Variants in KCNIP4 observed in about 807,000 individuals in gnomAD.
KCNIP4 encodes Kv channel-interacting protein 4.
In KCNIP4, 12 loss-of-function variants were observed where a neutral mutation model predicts 34.0. The ratio of observed to expected loss-of-function variants is 0.35; its 90% CI spans 0.23 to 0.57. The LOEUF (loss-of-function observed/expected upper bound fraction) is 0.57, where lower values mean the gene tolerates loss of function less well. Among genes scored for constraint, KCNIP4 ranks in the 20% least tolerant of loss-of-function variants. The pLI is 0.83. For synonymous variants in KCNIP4, 124 were observed against 102.2 expected, an observed-to-expected ratio of 1.21 and a Z score of -1.29; for missense variants, 238 against 311.7, an observed-to-expected ratio of 0.76 and a Z score of 1.78.
chr4:20,911,342 G>A (rs1220613654), intron 1 of KCNIP4, among the ~76,000 whole-genome samples: 1 of 152,088 alleles, frequency 6.6e-6, no homozygotes, highest in Non-Finnish European at 1.5e-5. Flanking sequence ...TTCCTCCATA[G>A]TGTTCAGTTT....
chr4:21,270,736 C>T (rs926128826), intron 1 of KCNIP4, among the ~76,000 whole-genome samples: 3 of 151,970 alleles, frequency 2.0e-5, no homozygotes, highest in Admixed American at 6.6e-5. Flanking sequence ...CCTGTAATCC[C>T]AGCACATTGG....
intron 1 of KCNIP4, among the ~76,000 whole-genome samples, chr4:21,098,194 A>C (rs73802482): frequency 0.017 from 2,529 of 152,308 alleles, 79 homozygotes; most frequent in African/African-American, 0.057. Context: ...TTGATTAAGG[A>C]AAGAAGTTGT....
At chr4:20,992,837 G>T (rs1293709687) in intron 1 of KCNIP4, among the ~76,000 whole-genome samples, 1 of 151,928 alleles carries the variant, frequency 6.6e-6, no homozygotes, top group Non-Finnish European at 1.5e-5. Flanking sequence ...AGACCAGCCT[G>T]GCCAACATAG....
At chr4:21,100,786 A>G (rs1049425503) in intron 1 of KCNIP4, among the ~76,000 whole-genome samples, 1 of 152,176 alleles carries the variant, frequency 6.6e-6, no homozygotes, top group Non-Finnish European at 1.5e-5. Context: ...ATAGGCAACA[A>G]TATAGTTTAA....
chr4:21,919,973 T>C (rs2108994011), intron 1 of KCNIP4, among the ~76,000 whole-genome samples: 1 of 152,276 alleles, frequency 6.6e-6, no homozygotes, highest in Middle Eastern at 3.4e-3. Flanking sequence ...AAAAAACCAA[T>C]TCATAAGCTG....
intron 1 of KCNIP4, among the ~76,000 whole-genome samples, chr4:21,167,729 T>G (rs1753731376): frequency 6.6e-6 from 1 of 152,168 alleles, no homozygotes; most frequent in South Asian, 2.1e-4. Context: ...CTAAGAAAAT[T>G]ATACCCAGGA....
chr4:20,779,581 C>CA (rs1360099181), intron 3 of KCNIP4, among the ~76,000 whole-genome samples: 4 of 132,728 alleles, frequency 3.0e-5, no homozygotes, highest in Non-Finnish European at 3.3e-5. Flanking sequence ...CCACAACCCC[C>CA]CCCCCCCACA....
chr4:21,485,842 C>T (rs377197910), intron 1 of KCNIP4, among the ~76,000 whole-genome samples: 7 of 152,148 alleles, frequency 4.6e-5, no homozygotes, highest in Non-Finnish European at 8.8e-5. Flanking sequence ...TAATGTCTAA[C>T]GAACGACCGT....
At chr4:21,273,026 T>A (rs1161859264) in intron 1 of KCNIP4, among the ~76,000 whole-genome samples, 1 of 152,180 alleles carries the variant, frequency 6.6e-6, no homozygotes, top group Non-Finnish European at 1.5e-5. Flanking sequence ...ATTGTGTCAC[T>A]GCCAAGGATG....
At chr4:21,330,963 A>C (rs950888704) in intron 1 of KCNIP4, among the ~76,000 whole-genome samples, 1 of 152,154 alleles carries the variant, frequency 6.6e-6, no homozygotes, top group South Asian at 2.1e-4. Context: ...TTTAAAGCCC[A>C]ACCTGGATCA....
chr4:21,933,052 G>GAAAAAAAAAAAAAAAAAGAAAAACA (rs35062040), intron 1 of KCNIP4, among the ~76,000 whole-genome samples: 1 of 100,028 alleles, frequency 1.0e-5, no homozygotes. Flanking sequence ...AAAGGTAAAC[G>GAAAAAAAAAAAAAAAAAGAAAAACA]AAAAAAAAAA....
chr4:21,676,281 G>T (rs1284466739), intron 1 of KCNIP4, among the ~76,000 whole-genome samples: 1 of 152,146 alleles, frequency 6.6e-6, no homozygotes, highest in Non-Finnish European at 1.5e-5. Context: ...AATATGAAAT[G>T]AATGCTATCA....
intron 4 of KCNIP4, among the ~76,000 whole-genome samples, chr4:20,754,401 CTG>C (rs1754153570): frequency 6.6e-6 from 1 of 152,100 alleles, no homozygotes; most frequent in Admixed American, 6.6e-5. Flanking sequence ...ATGAGAAAAA[CTG>C]TTGCATTCAG....
intron 1 of KCNIP4, among the ~76,000 whole-genome samples, chr4:21,348,127 T>C (rs368896899): frequency 2.4e-4 from 36 of 152,194 alleles, no homozygotes; most frequent in East Asian, 9.6e-4. Context: ...ATGGTATCCT[T>C]ACCTGGATTT....
At chr4:21,033,867 A>G (rs1741221193) in intron 1 of KCNIP4, among the ~76,000 whole-genome samples, 1 of 152,222 alleles carries the variant, frequency 6.6e-6, no homozygotes, top group South Asian at 2.1e-4. Flanking sequence ...TATGAAAATC[A>G]CAAACAGTGG....
chr4:21,007,593 T>C (rs1403675913), intron 1 of KCNIP4, among the ~76,000 whole-genome samples: 1 of 152,164 alleles, frequency 6.6e-6, no homozygotes, highest in African/African-American at 2.4e-5. Context: ...GTAGCCATCT[T>C]TTTACTTTAG....
intron 1 of KCNIP4, among the ~76,000 whole-genome samples, chr4:21,443,109 C>A (rs1174383468): frequency 6.6e-6 from 1 of 152,188 alleles, no homozygotes; most frequent in Non-Finnish European, 1.5e-5. Flanking sequence ...CATTTCTCAT[C>A]CTTTCCAGCT....
intron 3 of KCNIP4, among the ~76,000 whole-genome samples, chr4:20,824,365 C>A (rs1338992595): frequency 2.0e-5 from 3 of 152,094 alleles, no homozygotes; most frequent in African/African-American, 7.2e-5. Flanking sequence ...TTTAGAATGA[C>A]AAATATGTAT....
chr4:21,490,718 T>C (rs1176218778), intron 1 of KCNIP4, among the ~76,000 whole-genome samples: 2 of 152,142 alleles, frequency 1.3e-5, no homozygotes, highest in East Asian at 1.9e-4. Flanking sequence ...ACCCAAAACA[T>C]TTCTTTAGCC....
Sources: gnomAD v4.1 joint callset for allele counts (sites outside exome capture counted in the v4.1 genomes callset) on GRCh38, gnomAD v4.1.1 for gene constraint, MANE v1.5 for transcripts, NCBI Gene and HGNC (gene_info 2026-07-23, HGNC 2026-07-21) for gene names.